Variants in CDCA3 observed in about 807,000 individuals in gnomAD.
CDCA3 encodes the protein cell division cycle associated 3.
Under a neutral mutation model 29.1 loss-of-function variants are expected in CDCA3, and 16 were observed. The ratio of observed to expected loss-of-function variants is 0.55; its 90% CI spans 0.37 to 0.83. CDCA3 has a LOEUF of 0.83. Ranked by LOEUF, CDCA3 falls within the 40% of genes least tolerant of loss-of-function variation. CDCA3 has a pLI of 0.00. For missense variants in CDCA3, 291 were observed against 327.2 expected (o/e 0.89, Z 0.85); for synonymous variants, 88 against 124.5 (o/e 0.71, Z 1.95).
downstream of CDCA3, chr12:6,846,714 C>G: frequency 1.3e-6 from 1 of 771,292 alleles, no homozygotes; most frequent in Non-Finnish European, 2.2e-6. Context: ...CACACCCACA[C>G]ATACACTTAC....
chr12:6,848,278 G>C (rs1173186211), downstream of CDCA3: 3 of 152,298 alleles, frequency 2.0e-5, no homozygotes, highest in African/African-American at 7.2e-5. Context: ...CTTGAGCTCA[G>C]GAAGTTGAGG....
In CDCA3 at chr12:6,850,026, G is replaced by T. The variant is rs1555125958; in HGVS notation, c.251-168C>A. Among the ~76,000 whole-genome samples, 1 of 151,584 alleles carries T rather than the reference G, an allele frequency of 6.6e-6. No homozygotes were observed. Among genetic ancestry groups the T allele is most frequent in the East Asian group, 1.9e-4 (1 of 5,192 alleles). The stretch of plus-strand genomic sequence containing the variant: ...GCAATTTTTTTTTTTTTTGAGATGG[G>T]GCTTGCTCTGTCCCCCAGGCTGGAG... On this transcript the variant is annotated intron_variant, in intron 3 of 5. Transcript: ENST00000538862. This position sits in a 1 kb window ranked among gnomAD's most constrained non-coding sequence, Gnocchi z 4.7.
At position 6,849,447 on chromosome 12, in the gene CDCA3, T is replaced by A; in HGVS notation, c.545-18A>T. The A allele has an allele frequency of 6.4e-7, 1 of 1,569,692 alleles. No individual in the cohort carries two copies. The highest frequency in any genetic ancestry group is 8.6e-7 in the Non-Finnish European group (1 of 1,156,572). On this transcript the variant is annotated intron_variant, in intron 4 of 5. Coordinates refer to ENST00000538862, the MANE Select transcript of CDCA3 (RefSeq NM_031299.7). The surrounding 1 kb of genome is among the most constrained non-coding windows in gnomAD (Gnocchi z 5.2). Reference sequence around the variant, plus strand: ...CATAGAACCTGGGGTGGGTAAGGCGTTAAAGCAAGGACCCAAAACTAGGAC... The same window carrying A: ...CATAGAACCTGGGGTGGGTAAGGCGATAAAGCAAGGACCCAAAACTAGGAC...
Position 6,849,373 on chromosome 12 carries a change from G to A in CDCA3, c.601C>T (p.Leu201Phe), listed in dbSNP as rs142590132. 5.5e-5 allele frequency: 88 copies of A among 1,605,526 alleles called. No individual in the cohort carries two copies. The highest frequency in any genetic ancestry group is 1.7e-4 in the Middle Eastern group (1 of 6,032). Residue 201 changes from leucine (L) to phenylalanine (F), a missense_variant, in exon 5 of 6, where the codon CTC becomes TTC. Leu to Phe is a conservative substitution (Grantham distance 22). Coordinates refer to ENST00000538862, the MANE Select transcript of CDCA3 (RefSeq NM_031299.7). The surrounding 1 kb of genome is among the most constrained non-coding windows in gnomAD (Gnocchi z 5.2). ...NSSKVLGRSP[L>F]TILQDDNSPG... ...GAGTTGTCATCCTGCAGGATGGTGA[G>A]GGGGGATCTCCCTAGTACCTTGCTG...
Position 6,850,732 on chromosome 12 carries a change from C to A in CDCA3, c.120+101G>T. ...CAGATTGAGATTGCAGAAAATAAGG[C>A]TAGGATAAGGGTGGGGTCATGACGG... On this transcript the variant is annotated intron_variant, in intron 2 of 5. Coordinates refer to ENST00000538862, the MANE Select transcript of CDCA3 (RefSeq NM_031299.7). The surrounding 1 kb of genome is among the most constrained non-coding windows in gnomAD (Gnocchi z 4.7). The A allele has an allele frequency of 6.4e-7, 1 of 1,572,530 alleles. No homozygotes were observed. The highest frequency in any genetic ancestry group is 1.3e-5 in the African/African-American group (1 of 74,104).
chr12:6,850,581 G>A lies in CDCA3; in HGVS notation c.136C>T (p.Gln46Ter), dbSNP rs1555126214. The A allele has an allele frequency of 1.9e-6, 3 of 1,614,126 alleles. No homozygotes were observed. The highest frequency in any genetic ancestry group is 2.5e-6 in the Non-Finnish European group (3 of 1,180,024). ...TGCTCCCCTGCTGGTAGGCCTGGCT[G>A]TGGAGAGCTCTCCACCTGTCAAGAC... is the stretch of plus-strand genomic sequence containing the variant. ...RTPIQVESSP[Q>*]PGLPAGEQLE... The change falls in exon 3 of 6, where the codon CAG becomes TAG. Residue 46 changes from glutamine (Q) to a stop codon, truncating the protein, a stop_gained. Coordinates refer to ENST00000538862, the MANE Select transcript of CDCA3 (RefSeq NM_031299.7). LOFTEE classifies it high-confidence loss of function. This position sits in a 1 kb window ranked among gnomAD's most constrained non-coding sequence, Gnocchi z 4.7.
Position 6,850,031 on chromosome 12 carries a change from G to A in CDCA3, c.251-173C>T, listed in dbSNP as rs181448902. Among the ~76,000 whole-genome samples, 144 of 151,506 alleles carry A rather than the reference G, an allele frequency of 9.5e-4. 1 individual carries two copies. In the East Asian group the frequency reaches 0.027, roughly 28 times the overall value. On this transcript the variant is annotated intron_variant, in intron 3 of 5. Transcript: ENST00000538862. This position sits in a 1 kb window ranked among gnomAD's most constrained non-coding sequence, Gnocchi z 4.7. ...TTTTTTTTTTTTTGAGATGGGGCTT[G>A]CTCTGTCCCCCAGGCTGGAGTGCAG...
downstream of CDCA3, chr12:6,848,465 G>C (rs1489185661): frequency 6.6e-6 from 1 of 152,338 alleles, no homozygotes; most frequent in African/African-American, 2.4e-5. Context: ...GTTTGGGTTT[G>C]GTGGCTGGGT....
downstream of CDCA3, chr12:6,846,502 T>C: frequency 3.3e-6 from 1 of 303,540 alleles, no homozygotes; most frequent in East Asian, 5.5e-5. Flanking sequence ...CAACCAAAGC[T>C]CTTGACAGAG....
chr12:6,850,478 G>T lies in CDCA3; in HGVS notation c.239C>A (p.Thr80Asn). 1 of 1,614,092 alleles carries T rather than the reference G, an allele frequency of 6.2e-7. No homozygotes were observed. The highest frequency in any genetic ancestry group is 8.5e-7 in the Non-Finnish European group (1 of 1,180,014). ...TLGIARTPMK[T>N]SSGDPPSPLV... Reference sequence around the variant, plus strand: ...GGCCCAACGCTTACCTCCACTGCTGGTCTTCATAGGTGTCCGTGCAATACC... The same window carrying T: ...GGCCCAACGCTTACCTCCACTGCTGTTCTTCATAGGTGTCCGTGCAATACC... The change falls in exon 3 of 6, where the codon ACC becomes AAC. Residue 80 changes from threonine (T) to asparagine (N), a missense_variant. Coordinates refer to ENST00000538862, the MANE Select transcript of CDCA3 (RefSeq NM_031299.7). The surrounding 1 kb of genome is among the most constrained non-coding windows in gnomAD (Gnocchi z 4.7).
chr12:6,848,702 T>C (rs1385122413), downstream of CDCA3: 6 of 286,072 alleles, frequency 2.1e-5, no homozygotes, highest in Non-Finnish European at 3.9e-5. Context: ...GACAGAGCCA[T>C]AGGGACACCA....
At chr12:6,846,706 C>CACAT, downstream of CDCA3, 1 of 732,042 alleles carries the variant, frequency 1.4e-6, no homozygotes, top group Non-Finnish European at 2.4e-6. Context: ...CACACCCACA[C>CACAT]ACCCACACAT....
At position 6,850,643 on chromosome 12, in the gene CDCA3, T is replaced by G. The variant is rs1043444438; in HGVS notation, c.121-47A>C. 6.2e-7 allele frequency: 1 copy of G among 1,612,328 alleles called. No homozygotes were observed. Among genetic ancestry groups the G allele is most frequent in the Non-Finnish European group, 8.5e-7 (1 of 1,178,790 alleles). On this transcript the variant is annotated intron_variant, in intron 2 of 5. Transcript: ENST00000538862. The surrounding 1 kb of genome is among the most constrained non-coding windows in gnomAD (Gnocchi z 4.7). ...ACAAGTCTGGGCCCTGACTCTTCTC[T>G]CCTCTCCTCCCCATATTCCAGGAAG...
At position 6,849,698 on chromosome 12, in the gene CDCA3, T is replaced by G. The variant is rs1555125799; in HGVS notation, c.411A>C (p.Pro137=). 2 of 1,614,098 alleles carry G rather than the reference T, an allele frequency of 1.2e-6. No individual in the cohort carries two copies. The highest frequency in any genetic ancestry group is 1.7e-6 in the Non-Finnish European group (2 of 1,180,002). Residue 137 remains proline, a synonymous_variant, in exon 4 of 6, where the codon CCA becomes CCC. Transcript: ENST00000538862. The surrounding 1 kb of genome is among the most constrained non-coding windows in gnomAD (Gnocchi z 5.2). ...GTQLSVEEQM[P]PWNQTEFPSK... is the part of the protein sequence containing the mutation. ...AGGGGAACTCAGTCTGGTTCCAAGG[T>G]GGCATCTGTTCCTCAACAGATAACT...
In CDCA3 at chr12:6,850,498, A is replaced by C. The variant is rs782043036; in HGVS notation, c.219T>G (p.Ile73Met). 3.7e-6 allele frequency: 6 copies of C among 1,614,138 alleles called. No individual in the cohort carries two copies. Among genetic ancestry groups the C allele is most frequent in the Non-Finnish European group, 5.1e-6 (6 of 1,180,022 alleles). ...DSDPRSPTLG[I>M]ARTPMKTSSG... ...TGCTGGTCTTCATAGGTGTCCGTGCAATACCAAGAGTAGGAGAGCGGGGAT... is the reference window on the plus strand; with the variant it reads ...TGCTGGTCTTCATAGGTGTCCGTGCCATACCAAGAGTAGGAGAGCGGGGAT... Residue 73 changes from isoleucine (I) to methionine (M), a missense_variant, in exon 3 of 6, where the codon ATT becomes ATG. Physicochemically the swap from Ile to Met is conservative, Grantham distance 10. Coordinates refer to ENST00000538862, the MANE Select transcript of CDCA3 (RefSeq NM_031299.7). This position sits in a 1 kb window ranked among gnomAD's most constrained non-coding sequence, Gnocchi z 4.7.
In CDCA3 at chr12:6,851,186, C is replaced by G; in HGVS notation, c.-58+36G>C. ...TGGCTCGTTCTGGGCCTGCTGAGCC[C>G]TCTAACTTATTTATTAAATTATTCA... On this transcript the variant is annotated intron_variant, in intron 1 of 5. Coordinates refer to ENST00000538862, the MANE Select transcript of CDCA3 (RefSeq NM_031299.7). 2.2e-6 allele frequency: 3 copies of G among 1,337,382 alleles called. No homozygotes were observed. In the South Asian group the frequency reaches 6.0e-5, roughly 27 times the overall value. The allele number at this position is 1,337,382 out of a possible 1,614,324, so 82.8% of individuals were successfully genotyped here.
At position 6,850,886 on chromosome 12, in the gene CDCA3, G is replaced by A; in HGVS notation, c.67C>T (p.Arg23Ter). 6.2e-7 allele frequency: 1 copy of A among 1,613,882 alleles called. No homozygotes were observed. Among genetic ancestry groups the A allele is most frequent in the Non-Finnish European group, 8.5e-7 (1 of 1,179,958 alleles). The change falls in exon 2 of 6, where the codon CGA (arginine) becomes TGA (stop). Residue 23 changes from arginine (R) to a stop codon, truncating the protein, a stop_gained. Transcript: ENST00000538862. LOFTEE classifies it high-confidence loss of function. The surrounding 1 kb of genome is among the most constrained non-coding windows in gnomAD (Gnocchi z 4.7). The stretch of plus-strand genomic sequence containing the variant: ...CTAGGTGAACGGGGGTCCGCCACTC[G>A]AGCCAGATGCTTGTTGTGCGGCGGA... ...RPPPHNKHLA[R>*]VADPRSPSAG...
At chr12:6,846,719 A>C, downstream of CDCA3, 1 of 801,698 alleles carries the variant, frequency 1.2e-6, no homozygotes, top group Non-Finnish European at 2.1e-6. Context: ...CCACACATAC[A>C]CTTACACGCA....
chr12:6,845,512 G>A (rs1171973988), downstream of CDCA3: 3 of 984,432 alleles, frequency 3.0e-6, no homozygotes, highest in Non-Finnish European at 4.7e-6. Context: ...GCTGTCAGGT[G>A]GGAGGCAGAG....
Sources: allele counts gnomAD v4.1 joint callset (sites outside exome capture counted in the v4.1 genomes callset), GRCh38; gene constraint gnomAD v4.1.1; non-coding constraint Gnocchi (gnomAD v3.1); transcripts MANE v1.5; gene names NCBI Gene and HGNC (gene_info 2026-07-23, HGNC 2026-07-21).